The following PC variants were observed in gnomAD, a reference collection of about 807,000 sequenced individuals.
The protein encoded by PC is pyruvate carboxylase.
Under a neutral mutation model 107.8 loss-of-function variants are expected in PC, and 46 were observed. The observed-to-expected ratio is 0.43, with a 90% CI of 0.34 to 0.55. The LOEUF is 0.55. Among genes scored for constraint, PC ranks in the 20% least tolerant of loss-of-function variants. PC has a pLI of 0.04. For missense variants in PC, 1,241 were observed against 1,643.1 expected (o/e 0.76, Z 4.23); for synonymous variants, 662 against 684.7 (o/e 0.97, Z 0.52).
intron 3 of PC, among the ~76,000 whole-genome samples, chr11:66,893,841 G>C (rs564183414): frequency 1.7e-5 from 2 of 119,166 alleles, no homozygotes; most frequent in Admixed American, 2.2e-4. Flanking sequence ...AACCCAACCA[G>C]ACACCTCCTC....
At chr11:66,862,095 G>A (rs1352905483) in intron 12 of PC, among the ~76,000 whole-genome samples, 2 of 152,148 alleles carry the variant, frequency 1.3e-5, no homozygotes, top group Non-Finnish European at 2.9e-5. Flanking sequence ...GCATGGCCAC[G>A]CATCCCCTCA....
intron 16 of PC, 84 bp downstream of exon 16, chr11:66,851,706 G>T: frequency 7.2e-7 from 1 of 1,397,466 alleles, no homozygotes; most frequent in Non-Finnish European, 1.0e-6. Flanking sequence ...CAGGCTGACC[G>T]TGGAGAACAG....
chr11:66,955,624 T>A (rs1260662959), intron 1 of PC, among the ~76,000 whole-genome samples: 1 of 152,152 alleles, frequency 6.6e-6, no homozygotes, highest in East Asian at 1.9e-4. Context: ...ACAAAGCCCC[T>A]TCCCTAAGAG....
chr11:66,874,647 A>G (rs1343878453), intron 3 of PC, among the ~76,000 whole-genome samples: 1 of 152,234 alleles, frequency 6.6e-6, no homozygotes, highest in Non-Finnish European at 1.5e-5. Flanking sequence ...AAACCCCACT[A>G]GGGGCAGACC....
rs941221737 is a variant in PC, at chr11:66,871,592, C to G, written c.321+95G>C. On this transcript the variant is annotated intron_variant, in intron 5 of 22. Coordinates refer to ENST00000393960, the MANE Select transcript of PC (RefSeq NM_001040716.2). The surrounding 1 kb of genome is among the most constrained non-coding windows in gnomAD (Gnocchi z 7.4). ...CTGCATCCGTTTACCCACCCACGCA[C>G]AGAGGCGCTGAGCACGCCAGCCTCA... The G allele has an allele frequency of 5.1e-6, 8 of 1,580,464 alleles. No homozygotes were observed. The highest frequency in any genetic ancestry group is 1.3e-5 in the African/African-American group (1 of 74,082).
At chr11:66,878,543 G>A (rs911886717) in intron 3 of PC, among the ~76,000 whole-genome samples, 1 of 152,164 alleles carries the variant, frequency 6.6e-6, no homozygotes, top group Non-Finnish European at 1.5e-5. Context: ...CCGCCCCCTC[G>A]GCGGCCCCTC....
At chr11:66,955,346 A>G (rs1373454994) in intron 1 of PC, among the ~76,000 whole-genome samples, 1 of 152,150 alleles carries the variant, frequency 6.6e-6, no homozygotes, top group Admixed American at 6.6e-5. Context: ...TGCCTGGGGC[A>G]CTGGAAGTGA....
chr11:66,905,808 C>A (rs1425797482), intron 3 of PC, among the ~76,000 whole-genome samples: 1 of 152,116 alleles, frequency 6.6e-6, no homozygotes, highest in African/African-American at 2.4e-5. Context: ...CGGCCACCAG[C>A]ATGCTCCCTC....
At chr11:66,902,500 C>G (rs901677792) in intron 3 of PC, among the ~76,000 whole-genome samples, 8 of 152,148 alleles carry the variant, frequency 5.3e-5, no homozygotes, top group Non-Finnish European at 8.8e-5. Flanking sequence ...TCTCAGAGCT[C>G]AAAGCCACGT....
Position 66,850,656 on chromosome 11 carries a change from G to C in PC, c.2473+18C>G. ...CGGCTTTGAGAGGGGTGTGGCCACG[G>C]GCTGCTGTTCTTCCTACCTGTGTCC... On this transcript the variant is annotated intron_variant, in intron 18 of 22. Coordinates refer to ENST00000393960, the MANE Select transcript of PC (RefSeq NM_001040716.2). 1.2e-6 allele frequency: 2 copies of C among 1,606,174 alleles called. No individual in the cohort carries two copies. Among genetic ancestry groups the C allele is most frequent in the Non-Finnish European group, 1.7e-6 (2 of 1,179,624 alleles).
At chr11:66,898,112 G>A (rs1947820457) in intron 3 of PC, among the ~76,000 whole-genome samples, 1 of 152,108 alleles carries the variant, frequency 6.6e-6, no homozygotes, top group Non-Finnish European at 1.5e-5. Flanking sequence ...AAATTAAATT[G>A]GAATTAAGAT....
chr11:66,891,518 C>G (rs1474396933), intron 3 of PC, among the ~76,000 whole-genome samples: 1 of 151,724 alleles, frequency 6.6e-6, no homozygotes, highest in African/African-American at 2.4e-5. Flanking sequence ...CTCAGCCTCC[C>G]GAGTAGCTGG....
At chr11:66,859,496 C>T in intron 12 of PC, 2 of 1,478,016 alleles carry the variant, frequency 1.4e-6, no homozygotes, top group Non-Finnish European at 1.8e-6. Flanking sequence ...CACTCTCCAG[C>T]CTGTTCACCT....
chr11:66,901,156 G>A (rs1324011983), intron 3 of PC, among the ~76,000 whole-genome samples: 3 of 152,106 alleles, frequency 2.0e-5, no homozygotes, highest in Non-Finnish European at 4.4e-5. Context: ...TGCCTTTTGG[G>A]GAAAGGCTAC....
chr11:66,923,901 A>AG (rs1948652349), intron 3 of PC, among the ~76,000 whole-genome samples: 1 of 142,798 alleles, frequency 7.0e-6, no homozygotes, highest in Non-Finnish European at 1.5e-5. Flanking sequence ...AAAAAAAAAA[A>AG]AGAGAAAAAG....
chr11:66,897,079 G>A (rs778763179), intron 3 of PC, among the ~76,000 whole-genome samples: 3 of 151,986 alleles, frequency 2.0e-5, no homozygotes, highest in Admixed American at 1.3e-4. Context: ...TTACAGGCGC[G>A]CACCACCATG....
chr11:66,955,409 C>T (rs994403212), intron 1 of PC, among the ~76,000 whole-genome samples: 22 of 152,224 alleles, frequency 1.4e-4, no homozygotes, highest in Admixed American at 1.2e-3. Context: ...CCTGGGGGAC[C>T]TACTGTGGGC....
At chr11:66,878,957 C>T (rs1282090310) in intron 3 of PC, among the ~76,000 whole-genome samples, 1 of 152,180 alleles carries the variant, frequency 6.6e-6, no homozygotes, top group Non-Finnish European at 1.5e-5. Context: ...ATCTGTAAAA[C>T]GGGGTTCCAC....
intron 12 of PC, among the ~76,000 whole-genome samples, chr11:66,863,547 G>A (rs947831837): frequency 6.6e-6 from 1 of 152,212 alleles, no homozygotes; most frequent in African/African-American, 2.4e-5. Context: ...GCTCCGGCCA[G>A]GCCACTGCCA....
Sources: gnomAD v4.1 joint callset for allele counts (sites outside exome capture counted in the v4.1 genomes callset) on GRCh38, gnomAD v4.1.1 for gene constraint, Gnocchi (gnomAD v3.1) non-coding constraint, MANE v1.5 for transcripts, NCBI Gene and HGNC (gene_info 2026-07-23, HGNC 2026-07-21) for gene names.